CNTN5: variants seen among roughly 807,000 people sequenced by gnomAD.
CNTN5 encodes the protein contactin-5.
CNTN5 carries 77 observed loss-of-function variants against 129.1 expected under a neutral mutation model. The observed-to-expected ratio is 0.60, with a 90% CI of 0.50 to 0.72. CNTN5 has a LOEUF of 0.72. CNTN5 is among the 30% of genes least tolerant of loss of function. The pLI is 0.00. For synonymous variants in CNTN5, 509 were observed against 465.6 expected (o/e 1.09, Z -1.20); for missense variants, 1,478 against 1,328.8 (o/e 1.11, Z -1.75).
At chr11:100,236,843 TA>T (rs1949624615) in intron 16 of CNTN5, among the ~76,000 whole-genome samples, 1 of 152,110 alleles carries the variant, frequency 6.6e-6, no homozygotes, top group African/African-American at 2.4e-5. Context: ...TACAGCCTTT[TA>T]GGGAATATAC....
rs1485251303 is a variant in CNTN5, at chr11:99,697,892, C to T, written c.56-121652C>T. Among the ~76,000 whole-genome samples, 3 of 151,632 alleles carry T rather than the reference C, an allele frequency of 2.0e-5. No homozygotes were observed. The East Asian group carries it at 5.8e-4, about 29-fold the overall frequency. ...AAAGCAATCATGGGGACCCTGATTA[C>T]AATTTAACATTCTCCTTCCTTACTA... On this transcript the variant is annotated intron_variant, in intron 3 of 24. Transcript: ENST00000524871.
chr11:100,315,843 G>T (rs1183004673), intron 21 of CNTN5, among the ~76,000 whole-genome samples: 1 of 152,114 alleles, frequency 6.6e-6, no homozygotes, highest in East Asian at 1.9e-4. Context: ...TGGTAGCAGG[G>T]ACTAAATGTA....
chr11:99,541,729 G>A (rs1234214354), intron 2 of CNTN5, among the ~76,000 whole-genome samples: 1 of 152,102 alleles, frequency 6.6e-6, no homozygotes, highest in Admixed American at 6.6e-5. Flanking sequence ...CAAAAGAATG[G>A]CTTGAGCCCA....
intron 2 of CNTN5, among the ~76,000 whole-genome samples, chr11:99,539,665 G>A (rs1244228689): frequency 6.6e-6 from 1 of 152,044 alleles, no homozygotes; most frequent in Admixed American, 6.6e-5. Context: ...ACACAGCCAG[G>A]AACATGTCCA....
chr11:99,398,411 T>C (rs1003031377), intron 2 of CNTN5, among the ~76,000 whole-genome samples: 38 of 151,990 alleles, frequency 2.5e-4, no homozygotes, highest in Admixed American at 1.9e-3. Flanking sequence ...TCTTCATGCT[T>C]TAAATTCTAT....
intron 7 of CNTN5, among the ~76,000 whole-genome samples, chr11:99,948,880 G>T (rs1950611094): frequency 6.6e-6 from 1 of 152,182 alleles, no homozygotes; most frequent in Non-Finnish European, 1.5e-5. Flanking sequence ...TGCCACACCT[G>T]GAAAATCGTG....
At chr11:100,033,179 A>G (rs190377659) in intron 9 of CNTN5, among the ~76,000 whole-genome samples, 1 of 152,316 alleles carries the variant, frequency 6.6e-6, no homozygotes, top group African/African-American at 2.4e-5. Context: ...CCAGACGTGC[A>G]GACTACAGTG....
At chr11:99,683,971 T>C (rs1215894318) in intron 3 of CNTN5, among the ~76,000 whole-genome samples, 1 of 151,852 alleles carries the variant, frequency 6.6e-6, no homozygotes, top group Non-Finnish European at 1.5e-5. Context: ...ACTTAAATTG[T>C]ACTCTTCTAG....
At chr11:100,195,072 C>A (rs1221834031) in intron 15 of CNTN5, among the ~76,000 whole-genome samples, 2 of 150,972 alleles carry the variant, frequency 1.3e-5, no homozygotes, top group Non-Finnish European at 2.9e-5. Context: ...TCTTCCTTTA[C>A]CTTGGGTGAT....
chr11:99,613,095 G>A (rs977469395), intron 3 of CNTN5, among the ~76,000 whole-genome samples: 1 of 152,130 alleles, frequency 6.6e-6, no homozygotes, highest in African/African-American at 2.4e-5. Flanking sequence ...GATGCTCACA[G>A]GCACCATCCA....
Position 99,520,362 on chromosome 11 carries a change from C to G in CNTN5, c.-70-35783C>G, listed in dbSNP as rs1400927182. Among the ~76,000 whole-genome samples the G allele has an allele frequency of 2.0e-5, 3 of 152,084 alleles. No individual in the cohort carries two copies. The South Asian group carries it at 6.2e-4, about 32-fold the overall frequency. ...TTCTCATTTTTATTCTCTTTGTACT[C>G]CCCCAATCCTCATCAGTGATACTAA... On this transcript the variant is annotated intron_variant, in intron 2 of 24. Coordinates refer to ENST00000524871, the MANE Select transcript of CNTN5 (RefSeq NM_014361.4).
intron 3 of CNTN5, among the ~76,000 whole-genome samples, chr11:99,759,020 AC>A (rs1435266610): frequency 2.0e-5 from 3 of 152,102 alleles, no homozygotes; most frequent in African/African-American, 7.2e-5. Context: ...GGAAATTAAC[AC>A]TTATACTAGC....
chr11:99,745,956 T>G (rs557552476), intron 3 of CNTN5, among the ~76,000 whole-genome samples: 1 of 152,250 alleles, frequency 6.6e-6, no homozygotes, highest in South Asian at 2.1e-4. Context: ...GGACTTCCAT[T>G]GGTGGAGGTG....
intron 2 of CNTN5, among the ~76,000 whole-genome samples, chr11:99,428,271 G>C (rs1008616242): frequency 6.6e-6 from 1 of 151,638 alleles, no homozygotes; most frequent in South Asian, 2.1e-4. Flanking sequence ...GAAAAAAAAG[G>C]CTTTACAGCT....
chr11:99,193,416 G>C (rs1267988272), intron 1 of CNTN5, among the ~76,000 whole-genome samples: 1 of 152,156 alleles, frequency 6.6e-6, no homozygotes, highest in Admixed American at 6.5e-5. Context: ...ATTATGTGGG[G>C]ATAGTAATCA....
At chr11:100,303,539 G>A (rs968265558) in intron 20 of CNTN5, among the ~76,000 whole-genome samples, 3 of 147,796 alleles carry the variant, frequency 2.0e-5, no homozygotes, top group Admixed American at 6.9e-5. Flanking sequence ...TTAATTATAG[G>A]TTGAAAGATT....
At chr11:100,279,745 A>T (rs1225468236) in intron 18 of CNTN5, among the ~76,000 whole-genome samples, 1 of 151,504 alleles carries the variant, frequency 6.6e-6, no homozygotes, top group Non-Finnish European at 1.5e-5. Flanking sequence ...ACTTTAAAAA[A>T]ACCTTTTTGT....
At chr11:99,680,421 G>C (rs989643104) in intron 3 of CNTN5, among the ~76,000 whole-genome samples, 3 of 152,066 alleles carry the variant, frequency 2.0e-5, no homozygotes, top group African/African-American at 7.3e-5. Context: ...TAAAAGTTAG[G>C]CTAAATCTAT....
intron 3 of CNTN5, among the ~76,000 whole-genome samples, chr11:99,708,540 T>C (rs1462497292): frequency 1.3e-5 from 2 of 151,744 alleles, no homozygotes; most frequent in East Asian, 3.9e-4. Context: ...TAAGATACTT[T>C]CAAAACTCAA....
Sources: allele counts gnomAD v4.1 joint callset (sites outside exome capture counted in the v4.1 genomes callset), GRCh38; gene constraint gnomAD v4.1.1; transcripts MANE v1.5; gene names NCBI Gene and HGNC (gene_info 2026-07-23, HGNC 2026-07-21).